Variants in TTLL11 observed in about 807,000 individuals in gnomAD.
The protein encoded by TTLL11 is tubulin tyrosine ligase like 11, also known as tubulin polyglutamylase TTLL11.
Under a neutral mutation model 51.7 loss-of-function variants are expected in TTLL11, and 42 were observed. The ratio of observed to expected loss-of-function variants is 0.81; its 90% CI spans 0.64 to 1.05. TTLL11 has a LOEUF of 1.05. TTLL11 is among the 50% of genes least tolerant of loss of function. TTLL11 has a pLI of 0.00. For missense variants in TTLL11, 799 were observed against 940.4 expected (o/e 0.85, Z 1.97); for synonymous variants, 381 against 383.5 (o/e 0.99, Z 0.08).
chr9:121,865,291 CCTT>C (rs1442375514), intron 7 of TTLL11, among the ~76,000 whole-genome samples: 1 of 152,126 alleles, frequency 6.6e-6, no homozygotes, highest in Non-Finnish European at 1.5e-5. Context: ...GTTAATACCT[CCTT>C]ATGATAAAAG....
intron 1 of TTLL11, among the ~76,000 whole-genome samples, chr9:122,044,506 CCT>C (rs1250452334): frequency 1.4e-4 from 22 of 152,168 alleles, no homozygotes; most frequent in African/African-American, 5.3e-4. Context: ...TTCTCCACAT[CCT>C]CTCTAGCACC....
intron 2 of TTLL11, 131 bp downstream of exon 2, chr9:122,039,141 G>A (rs1588229544): frequency 7.3e-5 from 53 of 725,032 alleles, no homozygotes; most frequent in Non-Finnish European, 2.3e-6. Context: ...TTAATGGCTA[G>A]TGAACACAGC....
chr9:121,865,996 C>T (rs563675756), intron 7 of TTLL11, among the ~76,000 whole-genome samples: 2 of 152,328 alleles, frequency 1.3e-5, no homozygotes, highest in South Asian at 2.1e-4. Context: ...TTATTATTTT[C>T]TTCCCTCTAG....
chr9:121,817,495 T>G lies in TTLL11; in HGVS notation c.*5092A>C, dbSNP rs908392766. 5.9e-5 allele frequency: 9 copies of G among 152,240 alleles called. No individual in the cohort carries two copies. The highest frequency in any genetic ancestry group is 2.2e-4 in the African/African-American group (9 of 41,452). 9.4% of individuals were successfully genotyped at this position (152,240 alleles called of 1,614,324 possible). On this transcript the variant is annotated 3_prime_UTR_variant, in exon 9 of 9. Transcript: ENST00000321582. ...TGATGACATTTTCTGTGATCTCGTC[T>G]TATGCTCCCAAAGATCAAGTGAGAC...
chr9:121,829,874 G>A (rs958229026), intron 8 of TTLL11, among the ~76,000 whole-genome samples: 9 of 151,312 alleles, frequency 5.9e-5, no homozygotes, highest in Non-Finnish European at 1.2e-4. Flanking sequence ...ACTGGTTCTG[G>A]GAATCTGTCC....
chr9:122,022,592 A>G (rs1844213688), intron 3 of TTLL11, among the ~76,000 whole-genome samples: 1 of 152,068 alleles, frequency 6.6e-6, no homozygotes, highest in African/African-American at 2.4e-5. Context: ...AAAAGTTGAG[A>G]GAATTCATCA....
chr9:121,985,742 G>A (rs1588177343), intron 4 of TTLL11, among the ~76,000 whole-genome samples: 1 of 151,848 alleles, frequency 6.6e-6, no homozygotes, highest in Admixed American at 6.6e-5. Context: ...GGATGGACTC[G>A]ATCTCCTGAC....
At chr9:121,826,184 C>CCATATATATATATA (rs1491277758) in intron 8 of TTLL11, among the ~76,000 whole-genome samples, 5 of 51,116 alleles carry the variant, frequency 9.8e-5, no homozygotes, top group African/African-American at 4.4e-4. Flanking sequence ...AACCAGTAAC[C>CCATATATATATATA]TATATATATA....
At chr9:121,866,078 C>T (rs1451817127) in intron 7 of TTLL11, among the ~76,000 whole-genome samples, 1 of 152,136 alleles carries the variant, frequency 6.6e-6, no homozygotes, top group African/African-American at 2.4e-5. Flanking sequence ...CTGCCATTTG[C>T]GTGGGAGCGC....
intron 6 of TTLL11, among the ~76,000 whole-genome samples, chr9:121,897,176 G>A (rs1257863691): frequency 1.3e-5 from 2 of 152,150 alleles, no homozygotes; most frequent in African/African-American, 4.8e-5. Flanking sequence ...CTATGTGCTT[G>A]CAGTAGTTTT....
At chr9:121,839,234 C>T (rs907559134) in intron 8 of TTLL11, among the ~76,000 whole-genome samples, 6 of 152,344 alleles carry the variant, frequency 3.9e-5, no homozygotes, top group Non-Finnish European at 7.3e-5. Flanking sequence ...GCCTCGGCCA[C>T]CGGATGTCAG....
rs1169645270 is a variant in TTLL11 at position 122,061,630 on chromosome 9, TTTTTCTTTTTTTG to T, written c.463-22275_463-22263del. On this transcript the variant is annotated intron_variant, in intron 1 of 8. Transcript: ENST00000321582. ...TTAGACTAGTAAGACTAAATGTTTT[TTTTTCTTTTTTTG>T]TTTTCTTTTTTTGAGATGGAGTCTC... Among the ~76,000 whole-genome samples the T allele has an allele frequency of 2.0e-5, 3 of 152,282 alleles. No homozygotes were observed. In the East Asian group the frequency reaches 5.8e-4, roughly 29 times the overall value.
intron 8 of TTLL11, among the ~76,000 whole-genome samples, chr9:121,831,276 G>A (rs1275441741): frequency 2.0e-5 from 3 of 152,196 alleles, no homozygotes; most frequent in African/African-American, 4.8e-5. Context: ...TGGCGATGAG[G>A]CCCCAGAAAC....
intron 6 of TTLL11, among the ~76,000 whole-genome samples, chr9:121,879,747 G>T (rs62574540): frequency 0.21 from 4,928 of 22,950 alleles, 810 homozygotes; most frequent in East Asian, 0.44. Flanking sequence ...TGGGAGAACT[G>T]CTTGAAGCCC....
At chr9:122,050,798 C>A (rs186957413) in intron 1 of TTLL11, among the ~76,000 whole-genome samples, 27 of 152,152 alleles carry the variant, frequency 1.8e-4, no homozygotes, top group African/African-American at 6.3e-4. Context: ...GGTAAGCAAT[C>A]GGAGTCACCT....
At chr9:121,859,850 T>G (rs1436443664) in intron 8 of TTLL11, among the ~76,000 whole-genome samples, 1 of 152,220 alleles carries the variant, frequency 6.6e-6, no homozygotes, top group Non-Finnish European at 1.5e-5. Context: ...TCTCCTGAAG[T>G]CTTCCTTGGC....
chr9:121,947,073 T>C lies in TTLL11; in HGVS notation c.1481+26936A>G, dbSNP rs546880829. Among the ~76,000 whole-genome samples, 12 of 152,100 alleles carry C rather than the reference T, an allele frequency of 7.9e-5. No individual in the cohort carries two copies. The South Asian group carries it at 2.3e-3, about 29-fold the overall frequency. ...GTAGCCCAGCTCTCAAGCAGAAAAA[T>C]GGGGACTAAAACCAGGTATGTCCAG... On this transcript the variant is annotated intron_variant, in intron 6 of 8. Transcript: ENST00000321582.
chr9:122,044,852 G>C (rs539483753), intron 1 of TTLL11, among the ~76,000 whole-genome samples: 1 of 152,230 alleles, frequency 6.6e-6, no homozygotes, highest in Non-Finnish European at 1.5e-5. Flanking sequence ...GCACACACCT[G>C]TAATCACAGC....
At position 121,983,246 on chromosome 9, in the gene TTLL11, A is replaced by G. The variant is rs895580270; in HGVS notation, c.1269+5949T>C. On this transcript the variant is annotated intron_variant, in intron 4 of 8. Transcript: ENST00000321582. ...CTGACTGAATGCCATTTGTTTACTG[A>G]AACAGTAAAGACGATAGAGAGTAGG... Among the ~76,000 whole-genome samples, 9 of 152,228 alleles carry G rather than the reference A, an allele frequency of 5.9e-5. 1 individual carries two copies. Among genetic ancestry groups the G allele is most frequent in the Non-Finnish European group, 1.2e-4 (8 of 68,042 alleles).
Sources: gnomAD v4.1 joint callset for allele counts (sites outside exome capture counted in the v4.1 genomes callset) on GRCh38, gnomAD v4.1.1 for gene constraint, MANE v1.5 for transcripts, NCBI Gene and HGNC (gene_info 2026-07-23, HGNC 2026-07-21) for gene names.